The following CLDN10 variants were observed in gnomAD, a reference collection of about 807,000 sequenced individuals.
CLDN10 encodes the protein claudin-10.
A neutral mutation model predicts 22.9 loss-of-function variants in CLDN10; 15 were observed. The observed-to-expected ratio is 0.65, with a 90% CI of 0.44 to 1.01. The LOEUF (loss-of-function observed/expected upper bound fraction) is 1.01. CLDN10 is among the 50% of genes least tolerant of loss of function. The pLI is 0.00. For missense variants in CLDN10, 247 were observed against 287.8 expected, an observed-to-expected ratio of 0.86 and a Z score of 1.03; for synonymous variants, 114 against 111.4, an observed-to-expected ratio of 1.02 and a Z score of -0.15.
intron 1 of CLDN10, among the ~76,000 whole-genome samples, chr13:95,454,731 T>C (rs2042465989): frequency 6.6e-6 from 1 of 152,210 alleles, no homozygotes; most frequent in Non-Finnish European, 1.5e-5. Context: ...TTGACTCCTA[T>C]GAAAATTCAT....
At chr13:95,509,531 G>C (rs1254373101) in intron 1 of CLDN10, among the ~76,000 whole-genome samples, 2 of 152,204 alleles carry the variant, frequency 1.3e-5, no homozygotes, top group Non-Finnish European at 1.5e-5. Flanking sequence ...TTTTGGATCT[G>C]CTCCAGTGAA....
intron 1 of CLDN10, among the ~76,000 whole-genome samples, chr13:95,492,846 C>G (rs574520440): frequency 6.6e-6 from 1 of 152,334 alleles, no homozygotes; most frequent in South Asian, 2.1e-4. Context: ...GACCTTTCTG[C>G]TGCTTCCTCT....
chr13:95,510,042 T>C (rs1329719272), intron 1 of CLDN10, among the ~76,000 whole-genome samples: 1 of 152,164 alleles, frequency 6.6e-6, no homozygotes, highest in African/African-American at 2.4e-5. Context: ...ACCAATGTGT[T>C]GTCATTCACT....
chr13:95,518,746 G>A (rs1191869598), intron 1 of CLDN10, among the ~76,000 whole-genome samples: 3 of 128,602 alleles, frequency 2.3e-5, no homozygotes, highest in East Asian at 2.3e-4. Context: ...GTGACAGAAT[G>A]AGACTGTCTC....
intron 1 of CLDN10, among the ~76,000 whole-genome samples, chr13:95,486,395 C>T (rs1013138348): frequency 1.1e-4 from 17 of 151,882 alleles, no homozygotes; most frequent in African/African-American, 3.4e-4. Flanking sequence ...TGGTGGCGTG[C>T]GCCTGTAGTC....
At chr13:95,550,059 C>T (rs377730704), upstream of CLDN10, among the ~76,000 whole-genome samples, 149 of 152,280 alleles carry the variant, frequency 9.8e-4, no homozygotes, top group Non-Finnish European at 1.6e-3. Flanking sequence ...CCTGAGTCCA[C>T]ATTAGAAGTT....
At chr13:95,538,563 C>T (rs534436031) in intron 1 of CLDN10, among the ~76,000 whole-genome samples, 50 of 152,316 alleles carry the variant, frequency 3.3e-4, no homozygotes, top group African/African-American at 7.7e-4. Flanking sequence ...GCCTTCATCA[C>T]GCACCCCATG....
chr13:95,570,099 G>A (rs1002443891), intron 3 of CLDN10, among the ~76,000 whole-genome samples: 4 of 152,112 alleles, frequency 2.6e-5, no homozygotes, highest in South Asian at 2.1e-4. Flanking sequence ...ATCCACACAC[G>A]GATTCTTGAC....
At chr13:95,546,627 G>A (rs890346951) in intron 1 of CLDN10, among the ~76,000 whole-genome samples, 1 of 152,138 alleles carries the variant, frequency 6.6e-6, no homozygotes, top group African/African-American at 2.4e-5. Flanking sequence ...TGTGAGCCAC[G>A]TGGTAACTTG....
At chr13:95,513,838 A>G (rs1490804135) in intron 1 of CLDN10, among the ~76,000 whole-genome samples, 1 of 152,200 alleles carries the variant, frequency 6.6e-6, no homozygotes, top group African/African-American at 2.4e-5. Flanking sequence ...ACAAATATAT[A>G]ATCTGACAGC....
At chr13:95,575,651 T>C (rs1369556629) in intron 3 of CLDN10, among the ~76,000 whole-genome samples, 1 of 151,942 alleles carries the variant, frequency 6.6e-6, no homozygotes, top group East Asian at 1.9e-4. Flanking sequence ...GTCTCTGCCA[T>C]TGCCCCTTAA....
intron 3 of CLDN10, among the ~76,000 whole-genome samples, chr13:95,576,934 G>A (rs1291937354): frequency 3.3e-5 from 5 of 152,186 alleles, no homozygotes; most frequent in South Asian, 2.1e-4. Context: ...TTAAGGCAGC[G>A]TGCAGAGGAA....
At chr13:95,525,461 T>C (rs768893002) in intron 1 of CLDN10, among the ~76,000 whole-genome samples, 25 of 152,130 alleles carry the variant, frequency 1.6e-4, no homozygotes, top group African/African-American at 4.8e-4. Flanking sequence ...CCAAATGACA[T>C]GTAAGTGAGT....
At chr13:95,512,132 G>GTTTTTTT (rs1408615781) in intron 1 of CLDN10, among the ~76,000 whole-genome samples, 2 of 10,258 alleles carry the variant, frequency 1.9e-4, no homozygotes, top group Non-Finnish European at 2.5e-4. Context: ...TTTTTTTTTG[G>GTTTTTTT]TTTTTGTTTG....
Position 95,578,077 on chromosome 13 carries a change from C to T in CLDN10, c.*63C>T. The stretch of plus-strand genomic sequence containing the variant: ...AAAAGCGAACTGTTCACAAAATGAT[C>T]CCATCAAGGCCCTCCCATAATTAAC... On this transcript the variant is annotated 3_prime_UTR_variant, in exon 5 of 5. Coordinates refer to ENST00000299339, the MANE Select transcript of CLDN10 (RefSeq NM_006984.5). 1.2e-6 allele frequency: 1 copy of T among 825,466 alleles called. No individual in the cohort carries two copies. The highest frequency in any genetic ancestry group is 2.0e-6 in the Non-Finnish European group (1 of 506,474). 51.1% of individuals were successfully genotyped at this position (825,466 alleles called of 1,614,324 possible).
chr13:95,466,793 A>G (rs909881115), intron 1 of CLDN10, among the ~76,000 whole-genome samples: 2 of 152,112 alleles, frequency 1.3e-5, no homozygotes, highest in African/African-American at 4.8e-5. Flanking sequence ...AGAAAATAGT[A>G]TAATAATCCC....
At chr13:95,501,380 C>T (rs542255180) in intron 1 of CLDN10, among the ~76,000 whole-genome samples, 2 of 152,110 alleles carry the variant, frequency 1.3e-5, no homozygotes, top group Non-Finnish European at 2.9e-5. Context: ...GTGGTGCGGT[C>T]GTAGCTCACT....
chr13:95,483,599 C>A (rs997439483), intron 1 of CLDN10, among the ~76,000 whole-genome samples: 1 of 152,184 alleles, frequency 6.6e-6, no homozygotes, highest in African/African-American at 2.4e-5. Flanking sequence ...AGGGACCACA[C>A]CTGTGGAAGG....
At chr13:95,525,315 G>C (rs569233457) in intron 1 of CLDN10, among the ~76,000 whole-genome samples, 1 of 152,042 alleles carries the variant, frequency 6.6e-6, no homozygotes, top group East Asian at 1.9e-4. Flanking sequence ...GTCTATTCAA[G>C]TCCTTTGTCC....
Sources: gnomAD v4.1 joint callset for allele counts (sites outside exome capture counted in the v4.1 genomes callset) on GRCh38, gnomAD v4.1.1 for gene constraint, MANE v1.5 for transcripts, NCBI Gene and HGNC (gene_info 2026-07-23, HGNC 2026-07-21) for gene names.